Variants in SLC14A1 observed in about 807,000 individuals in gnomAD.
SLC14A1 encodes the protein urea transporter 1.
A neutral mutation model predicts 39.6 loss-of-function variants in SLC14A1; 36 were observed. The observed-to-expected ratio is 0.91, with a 90% CI of 0.70 to 1.20. The LOEUF is 1.20. SLC14A1 is among the 50% of genes most tolerant of loss of function. The pLI is 0.00. For missense variants in SLC14A1, 469 were observed against 478.7 expected (o/e 0.98, Z 0.19); for synonymous variants, 164 against 173.6 (o/e 0.94, Z 0.43).
At chr18:45,749,731 G>A (rs1355825923) in intron 9 of SLC14A1, 47 bp from the exon 10 acceptor site, 2 of 1,605,086 alleles carry the variant, frequency 1.2e-6, no homozygotes, top group Middle Eastern at 1.7e-4. Context: ...CAGCTCAGCT[G>A]TCAGATGGGA....
rs3819179 is a variant in SLC14A1 at position 45,724,217 on chromosome 18, G to A, written c.-142G>A. On this transcript the variant is annotated 5_prime_UTR_variant, in exon 1 of 10. The change creates a new upstream start codon in the 5' untranslated region. Coordinates refer to ENST00000321925, the MANE Select transcript of SLC14A1 (RefSeq NM_015865.7). ...AGAAGCACTCTCCCTTGTCGTGGAG[G>A]TGGGCAAATCTTTATCAGCCACTGC... 21,252 of 152,254 alleles carry A rather than the reference G, an allele frequency of 0.14. 2,021 individuals are homozygous for A. Among genetic ancestry groups the A allele is most frequent in the East Asian group, 0.4 (2,077 of 5,152 alleles). 9.4% of individuals were successfully genotyped at this position (152,254 alleles called of 1,614,324 possible). A position where few individuals can be genotyped will look rare whatever the true frequency, so the allele number is the denominator to read the frequency against.
At position 45,751,999 on chromosome 18, in the gene SLC14A1, T is replaced by C; in HGVS notation, c.*2048T>C. ...TAGGGAAGTAAACCTACAAATATTT[T>C]AGGGAGAAGCTCACTTCTTCCTTTT... is the stretch of plus-strand genomic sequence containing the variant. On this transcript the variant is annotated 3_prime_UTR_variant, in exon 10 of 10. Coordinates refer to ENST00000321925, the MANE Select transcript of SLC14A1 (RefSeq NM_015865.7). 1.0e-6 allele frequency: 1 copy of C among 985,344 alleles called. No homozygotes were observed. The highest frequency in any genetic ancestry group is 4.7e-5 in the South Asian group (1 of 21,288). The allele number at this position is 985,344 out of a possible 1,614,324, so 61.0% of individuals were successfully genotyped here.
At chr18:45,727,444 G>A (rs1396057363) in intron 2 of SLC14A1, 1 of 1,528,840 alleles carries the variant, frequency 6.5e-7, no homozygotes, top group Admixed American at 2.0e-5. Context: ...GCAGCCTCTG[G>A]CTCGGGGAAC....
chr18:45,734,842 G>A (rs2047140718), intron 5 of SLC14A1, among the ~76,000 whole-genome samples: 1 of 152,164 alleles, frequency 6.6e-6, no homozygotes. Context: ...AGGACAAACA[G>A]TTAAAATGGT....
intron 2 of SLC14A1, chr18:45,730,042 TG>T: frequency 2.7e-6 from 1 of 372,524 alleles, no homozygotes; most frequent in Non-Finnish European, 4.8e-6. Flanking sequence ...AGTAAATGTT[TG>T]TTGGACCAGA....
At chr18:45,727,308 G>A (rs1436405435) in intron 2 of SLC14A1, 1 of 1,551,512 alleles carries the variant, frequency 6.4e-7, no homozygotes, top group Non-Finnish European at 8.7e-7. Flanking sequence ...CGCTGGTGAC[G>A]CCCGTCATGG....
At position 45,750,330 on chromosome 18, in the gene SLC14A1, T is replaced by G; in HGVS notation, c.*379T>G. On this transcript the variant is annotated 3_prime_UTR_variant, in exon 10 of 10. Transcript: ENST00000321925. The stretch of plus-strand genomic sequence containing the variant: ...TAACAGTATTAAAAATTAAACCCCA[T>G]AAACCAACTAAGCCTTATGGAATTC... 3.5e-6 allele frequency: 4 copies of G among 1,129,134 alleles called. No homozygotes were observed. The highest frequency in any genetic ancestry group is 4.4e-6 in the Non-Finnish European group (4 of 916,660). The allele number at this position is 1,129,134 out of a possible 1,614,324, so 69.9% of individuals were successfully genotyped here. A position where few individuals can be genotyped will look rare whatever the true frequency, so the allele number is the denominator to read the frequency against.
intron 8 of SLC14A1, among the ~76,000 whole-genome samples, chr18:45,740,484 G>A (rs544991954): frequency 1.1e-3 from 162 of 144,976 alleles, no homozygotes; most frequent in African/African-American, 4.0e-3. Flanking sequence ...TCGCGCCACT[G>A]CACTTCAGCC....
In SLC14A1 at chr18:45,750,185, G is replaced by A; in HGVS notation, c.*234G>A. On this transcript the variant is annotated 3_prime_UTR_variant, in exon 10 of 10. Coordinates refer to ENST00000321925, the MANE Select transcript of SLC14A1 (RefSeq NM_015865.7). ...CTGGTATGGAATTTGAAACCCCAAT[G>A]GGGCCTTGGCACTAAGACTGGAATG... 1 of 1,422,130 alleles carries A rather than the reference G, an allele frequency of 7.0e-7. No homozygotes were observed. The highest frequency in any genetic ancestry group is 9.2e-7 in the Non-Finnish European group (1 of 1,092,686). 88.1% of individuals were successfully genotyped at this position (1,422,130 alleles called of 1,614,324 possible). A position where few individuals can be genotyped will look rare whatever the true frequency, so the allele number is the denominator to read the frequency against.
intron 6 of SLC14A1, chr18:45,737,704 C>G (rs1314612014): frequency 6.6e-6 from 1 of 152,238 alleles, no homozygotes; most frequent in Non-Finnish European, 1.5e-5. Context: ...ACAGGAGCCT[C>G]TAGCCCCATG....
At chr18:45,731,459 G>C in intron 4 of SLC14A1, 1 of 526,440 alleles carries the variant, frequency 1.9e-6, no homozygotes. Flanking sequence ...TAAGCTACAA[G>C]TATTTCCCTG....
rs552728254 is a variant in SLC14A1, at chr18:45,732,732, C to G, written c.341+1528C>G. ...TTCACCATCTTTACTCCCCCATCCC[C>G]CTACAGACATCATCCTTGAGTGACA... On this transcript the variant is annotated intron_variant, in intron 4 of 9. Transcript: ENST00000321925. 2.2e-4 allele frequency among the ~76,000 whole-genome samples: 33 copies of G among 152,302 alleles called. No homozygotes were observed. The South Asian group carries it at 6.6e-3, about 31-fold the overall frequency.
chr18:45,729,143 A>G (rs2046951658), intron 2 of SLC14A1: 1 of 152,104 alleles, frequency 6.6e-6, no homozygotes, highest in Non-Finnish European at 1.5e-5. Context: ...GTGGGCTTTC[A>G]GTGTTTCTTT....
At chr18:45,744,706 C>G (rs1440157193) in intron 8 of SLC14A1, among the ~76,000 whole-genome samples, 3 of 152,118 alleles carry the variant, frequency 2.0e-5, no homozygotes, top group African/African-American at 7.2e-5. Context: ...TCCTTTAATT[C>G]TGGAAACATC....
At chr18:45,742,479 C>T (rs570969254) in intron 8 of SLC14A1, among the ~76,000 whole-genome samples, 153 of 150,866 alleles carry the variant, frequency 1.0e-3, no homozygotes, top group African/African-American at 3.5e-3. Flanking sequence ...CCTGCCTCAG[C>T]CTCCCAAGTA....
chr18:45,733,910 G>A (rs1467966751), intron 4 of SLC14A1, among the ~76,000 whole-genome samples: 2 of 152,182 alleles, frequency 1.3e-5, no homozygotes, highest in African/African-American at 2.4e-5. Context: ...GGGCATGTGA[G>A]GGATCTAGGT....
chr18:45,740,159 C>T (rs2047324213), intron 8 of SLC14A1, among the ~76,000 whole-genome samples: 1 of 152,242 alleles, frequency 6.6e-6, no homozygotes, highest in Admixed American at 6.5e-5. Context: ...TCAGCTGACA[C>T]TCCTTTTGCT....
intron 4 of SLC14A1, among the ~76,000 whole-genome samples, chr18:45,732,045 T>C (rs1043988834): frequency 3.3e-5 from 5 of 152,240 alleles, no homozygotes; most frequent in African/African-American, 1.2e-4. Flanking sequence ...TAGCTTAGGT[T>C]AAACTCTATT....
chr18:45,729,569 A>G (rs2046967943), intron 2 of SLC14A1: 1 of 152,220 alleles, frequency 6.6e-6, no homozygotes, highest in Admixed American at 6.5e-5. Flanking sequence ...GGTTTTCAAC[A>G]GCTTTGTCCA....
Sources: allele counts gnomAD v4.1 joint callset (sites outside exome capture counted in the v4.1 genomes callset), GRCh38; gene constraint gnomAD v4.1.1; transcripts MANE v1.5; gene names NCBI Gene and HGNC (gene_info 2026-07-23, HGNC 2026-07-21).